TBL1XR1: variants seen among roughly 807,000 people sequenced by gnomAD.
TBL1XR1 encodes TBL1X/Y related 1, also known as F-box-like/WD repeat-containing protein TBL1XR1.
A neutral mutation model predicts 66.9 loss-of-function variants in TBL1XR1; 5 were observed. The ratio of observed to expected loss-of-function variants is 0.07; its 90% CI spans 0.04 to 0.16. The LOEUF (loss-of-function observed/expected upper bound fraction) is 0.16. TBL1XR1 is among the 10% of genes least tolerant of loss of function. The pLI is 1.00. For synonymous variants in TBL1XR1, 210 were observed against 206.0 expected, an observed-to-expected ratio of 1.02 and a Z score of -0.17; for missense variants, 238 against 623.2, an observed-to-expected ratio of 0.38 and a Z score of 6.58.
intron 1 of TBL1XR1, among the ~76,000 whole-genome samples, chr3:177,112,113 T>A (rs866631366): frequency 2.1e-3 from 148 of 71,778 alleles, no homozygotes; most frequent in Non-Finnish European, 2.6e-3. Flanking sequence ...ATATATTTTT[T>A]TTTTTTTTTT....
intron 2 of TBL1XR1, among the ~76,000 whole-genome samples, chr3:177,096,698 C>CA (rs1723539002): frequency 6.6e-6 from 1 of 152,098 alleles, no homozygotes; most frequent in Non-Finnish European, 1.5e-5. Context: ...CTCCAAATAC[C>CA]AAAGTTGATT....
intron 14 of TBL1XR1, among the ~76,000 whole-genome samples, chr3:177,030,603 TAGGA>T (rs1365300489): frequency 6.6e-6 from 1 of 152,072 alleles, no homozygotes; most frequent in African/African-American, 2.4e-5. Flanking sequence ...CAGGTAAAAA[TAGGA>T]AGGAAGAGAT....
chr3:177,078,347 T>C (rs1720944617), intron 2 of TBL1XR1, among the ~76,000 whole-genome samples: 1 of 152,032 alleles, frequency 6.6e-6, no homozygotes, highest in Non-Finnish European at 1.5e-5. Context: ...ATTCCATCAC[T>C]TTGGGGGGCA....
intron 1 of TBL1XR1, among the ~76,000 whole-genome samples, chr3:177,155,977 C>A (rs546751833): frequency 6.6e-6 from 1 of 151,876 alleles, no homozygotes; most frequent in African/African-American, 2.4e-5. Context: ...CCATTGCACT[C>A]CAGCCTGGGC....
At chr3:177,136,276 A>T (rs1239628666) in intron 1 of TBL1XR1, 1 of 152,158 alleles carries the variant, frequency 6.6e-6, no homozygotes, top group Non-Finnish European at 1.5e-5. Context: ...TGTTGTATGC[A>T]CTGACATACC....
At chr3:177,037,772 T>TCATCCATCCATCCATC (rs71170848) in intron 12 of TBL1XR1, 3,160 of 183,560 alleles carry the variant, frequency 0.017, 73 homozygotes, top group African/African-American at 0.054. Context: ...AGTAAATCTC[T>TCATCCATCCATCCATC]CATCCATCCA....
intron 1 of TBL1XR1, among the ~76,000 whole-genome samples, chr3:177,136,956 G>A (rs544684025): frequency 2.0e-5 from 3 of 151,972 alleles, no homozygotes; most frequent in Non-Finnish European, 4.4e-5. Flanking sequence ...CAATATATAC[G>A]GTCTCTCAAA....
In TBL1XR1 at chr3:177,023,057, AAAAATGTAGCTGTCTATTT is replaced by A. The variant is rs1712600151; in HGVS notation, c.*2422_*2440del. On this transcript the variant is annotated 3_prime_UTR_variant, in exon 16 of 16. Coordinates refer to ENST00000457928, the MANE Select transcript of TBL1XR1 (RefSeq NM_024665.7). Reference sequence around the variant, plus strand: ...AAAACAGAAAAGATGACAATATCATAAAAATGTAGCTGTCTATTTTGGCAGCTATATTGCAGAATTTCTT... The same window carrying A: ...AAAACAGAAAAGATGACAATATCATATGGCAGCTATATTGCAGAATTTCTT... 1 of 152,478 alleles carries A rather than the reference AAAAATGTAGCTGTCTATTT, an allele frequency of 6.6e-6. No individual in the cohort carries two copies. The highest frequency in any genetic ancestry group is 1.5e-5 in the Non-Finnish European group (1 of 67,944). The allele number at this position is 152,478 out of a possible 1,614,324, so 9.4% of individuals were successfully genotyped here.
intron 1 of TBL1XR1, among the ~76,000 whole-genome samples, chr3:177,159,245 TC>T (rs1000107422): frequency 6.6e-6 from 1 of 152,064 alleles, no homozygotes; most frequent in Admixed American, 6.6e-5. Context: ...ATAGCTCACT[TC>T]CAATACTGAA....
At chr3:177,058,756 C>T (rs370802156) in intron 3 of TBL1XR1, among the ~76,000 whole-genome samples, 1 of 152,168 alleles carries the variant, frequency 6.6e-6, no homozygotes, top group African/African-American at 2.4e-5. Flanking sequence ...CTTATACTCT[C>T]GCTATGCTGG....
At chr3:177,191,382 AGACT>A (rs1736121144) in intron 1 of TBL1XR1, among the ~76,000 whole-genome samples, 2 of 152,364 alleles carry the variant, frequency 1.3e-5, no homozygotes, top group South Asian at 4.1e-4. Context: ...TTGAGAAGAC[AGACT>A]GCTAGGTAAC....
intron 1 of TBL1XR1, among the ~76,000 whole-genome samples, chr3:177,168,315 CTT>C (rs1430652765): frequency 2.7e-5 from 4 of 148,568 alleles, no homozygotes; most frequent in Non-Finnish European, 5.9e-5. Flanking sequence ...AAGTTTCACT[CTT>C]GTTGCCCAGA....
At chr3:177,125,300 C>T (rs1010811374) in intron 1 of TBL1XR1, among the ~76,000 whole-genome samples, 13 of 152,018 alleles carry the variant, frequency 8.6e-5, no homozygotes, top group African/African-American at 2.4e-4. Flanking sequence ...TATGAAAATA[C>T]GCTCAACATC....
chr3:177,168,278 T>A (rs1213925251), intron 1 of TBL1XR1, among the ~76,000 whole-genome samples: 1 of 126,464 alleles, frequency 7.9e-6, no homozygotes, highest in Non-Finnish European at 1.7e-5. Context: ...AACACGGAAA[T>A]AAACCTTTTT....
intron 1 of TBL1XR1, among the ~76,000 whole-genome samples, chr3:177,167,487 G>C (rs1732962314): frequency 6.6e-6 from 1 of 152,240 alleles, no homozygotes; most frequent in South Asian, 2.1e-4. Flanking sequence ...GACTTTGGGT[G>C]ATAATGATGT....
At chr3:177,087,059 T>G (rs953981637) in intron 2 of TBL1XR1, 3 of 143,238 alleles carry the variant, frequency 2.1e-5, no homozygotes, top group African/African-American at 7.9e-5. Flanking sequence ...GTGGGAGAGG[T>G]AGAAGAGGTG....
chr3:177,047,461 G>A lies in TBL1XR1; in HGVS notation c.766+25C>T, dbSNP rs1202979064. The A allele has an allele frequency of 1.9e-6, 3 of 1,609,628 alleles. No homozygotes were observed. In the Admixed American group the frequency reaches 5.0e-5, roughly 27 times the overall value. On this transcript the variant is annotated intron_variant, in intron 8 of 15. Coordinates refer to ENST00000457928, the MANE Select transcript of TBL1XR1 (RefSeq NM_024665.7). ...TTTCTATCTTTAGATCAACAACAAA[G>A]TAAAAAGGAAAATGCTTCATTTACC...
At chr3:177,172,717 A>G (rs6443431) in intron 1 of TBL1XR1, among the ~76,000 whole-genome samples, 63,720 of 134,064 alleles carry the variant, frequency 0.48, 16,535 homozygotes, top group Non-Finnish European at 0.56. Context: ...GAGAAGAGCC[A>G]AGCCGAGCCA....
upstream of TBL1XR1, among the ~76,000 whole-genome samples, chr3:177,198,923 C>G (rs2109034792): frequency 6.6e-6 from 1 of 151,630 alleles, no homozygotes; most frequent in African/African-American, 2.4e-5. Context: ...GTAACTTGCA[C>G]CAGTCTGGAC....
Sources: gnomAD v4.1 joint callset for allele counts (sites outside exome capture counted in the v4.1 genomes callset) on GRCh38, gnomAD v4.1.1 for gene constraint, MANE v1.5 for transcripts, NCBI Gene and HGNC (gene_info 2026-07-23, HGNC 2026-07-21) for gene names.